The following CAST variants were observed in gnomAD, a reference collection of about 807,000 sequenced individuals.
CAST encodes calpastatin.
A neutral mutation model predicts 119.6 loss-of-function variants in CAST; 76 were observed. The observed-to-expected ratio is 0.64, with a 90% CI of 0.53 to 0.77. The LOEUF is 0.77. Among genes scored for constraint, CAST ranks in the 30% least tolerant of loss-of-function variants. The pLI is 0.00. For synonymous variants in CAST, 319 were observed against 331.6 expected (o/e 0.96, Z 0.41); for missense variants, 953 against 946.5 (o/e 1.01, Z -0.09).
chr5:95,972,226 T>G, the CAST span, among the ~76,000 whole-genome samples: 1,253 of 152,280 alleles, frequency 8.2e-3, 14 homozygotes, highest in African/African-American at 0.029. Flanking sequence ...TGAGCCACTA[T>G]GTTCAGCCAA....
At chr5:96,411,315 A>G in the CAST span, among the ~76,000 whole-genome samples, 4 of 152,312 alleles carry the variant, frequency 2.6e-5, no homozygotes, top group Admixed American at 2.6e-4. Context: ...CTGCACTTAA[A>G]TCTTTGAACT....
At chr5:96,315,461 A>G in the CAST span, among the ~76,000 whole-genome samples, 1 of 152,224 alleles carries the variant, frequency 6.6e-6, no homozygotes, top group African/African-American at 2.4e-5. Context: ...ACTGGTCAGT[A>G]TATGTCAACT....
At chr5:96,468,796 AC>A in the CAST span, among the ~76,000 whole-genome samples, 1 of 152,074 alleles carries the variant, frequency 6.6e-6, no homozygotes, top group Admixed American at 6.6e-5. Context: ...GCTCAAACCA[AC>A]ACATCTTCCC....
At chr5:95,979,262 T>C in the CAST span, among the ~76,000 whole-genome samples, 1 of 152,174 alleles carries the variant, frequency 6.6e-6, no homozygotes, top group Non-Finnish European at 1.5e-5. Flanking sequence ...ATTATATATA[T>C]ATAAATGCAT....
the CAST span, among the ~76,000 whole-genome samples, chr5:96,268,411 TA>T: frequency 6.6e-5 from 10 of 151,582 alleles, no homozygotes; most frequent in East Asian, 7.8e-4. Context: ...CATCTCTACA[TA>T]AAAAAAAATT....
the CAST span, among the ~76,000 whole-genome samples, chr5:96,154,146 C>T: frequency 3.3e-5 from 5 of 151,860 alleles, no homozygotes; most frequent in Non-Finnish European, 7.4e-5. Flanking sequence ...GGTGTGGTGG[C>T]GGGTGCCTGT....
chr5:96,012,021 C>A, the CAST span, among the ~76,000 whole-genome samples: 33 of 152,208 alleles, frequency 2.2e-4, no homozygotes, highest in Non-Finnish European at 4.4e-4. Context: ...GAAAGATTTA[C>A]TTTTTCATTT....
At chr5:96,303,259 C>T in the CAST span, among the ~76,000 whole-genome samples, 1 of 152,094 alleles carries the variant, frequency 6.6e-6, no homozygotes, top group Non-Finnish European at 1.5e-5. Flanking sequence ...TAAGTCTGCC[C>T]CCATGATCCA....
intron 1 of CAST, among the ~76,000 whole-genome samples, chr5:96,555,666 C>T (rs554381799): frequency 2.6e-5 from 4 of 152,256 alleles, no homozygotes; most frequent in Non-Finnish European, 5.9e-5. Context: ...AAGGCGGCAG[C>T]GAGGCTGACG....
chr5:96,228,030 C>T, the CAST span, among the ~76,000 whole-genome samples: 12 of 151,618 alleles, frequency 7.9e-5, no homozygotes, highest in Admixed American at 2.0e-4. Context: ...TGTGTGTGCA[C>T]GCACATGTGT....
At chr5:96,037,989 T>C in the CAST span, among the ~76,000 whole-genome samples, 12 of 152,154 alleles carry the variant, frequency 7.9e-5, no homozygotes, top group African/African-American at 2.9e-4. Flanking sequence ...AGTGTAACTG[T>C]GGAGTAGTTA....
At chr5:96,189,832 T>G in the CAST span, among the ~76,000 whole-genome samples, 2 of 152,226 alleles carry the variant, frequency 1.3e-5, no homozygotes, top group African/African-American at 4.8e-5. Flanking sequence ...TTTAACATTA[T>G]TTAAAAACTC....
In CAST at chr5:96,730,633, C is replaced by T. The variant is rs116587793; in HGVS notation, c.550-147C>T. On this transcript the variant is annotated intron_variant, in intron 8 of 31. Coordinates refer to ENST00000675179, the MANE Select transcript of CAST (RefSeq NM_001750.7). ...GCTTTATGTGGTGCTTAGCACTGCACCATGTACAATAGAAGTGAGCAAACA... is the reference window on the plus strand; with the variant it reads ...GCTTTATGTGGTGCTTAGCACTGCATCATGTACAATAGAAGTGAGCAAACA... The T allele has an allele frequency of 1.5e-3, 1,003 of 653,378 alleles. 5 individuals carry two copies. In the African/African-American group the frequency reaches 0.016, roughly 11 times the overall value. 40.5% of individuals were successfully genotyped at this position (653,378 alleles called of 1,614,324 possible).
chr5:95,980,775 G>C, the CAST span, among the ~76,000 whole-genome samples: 1 of 152,010 alleles, frequency 6.6e-6, no homozygotes, highest in Non-Finnish European at 1.5e-5. Flanking sequence ...GGCAGAGAAG[G>C]CATGTCAGGC....
At chr5:96,585,500 G>T (rs1746843380) in intron 1 of CAST, among the ~76,000 whole-genome samples, 1 of 152,090 alleles carries the variant, frequency 6.6e-6, no homozygotes, top group Non-Finnish European at 1.5e-5. Context: ...TACTAAAACT[G>T]CTCAAAACCT....
intron 1 of CAST, among the ~76,000 whole-genome samples, chr5:96,565,077 G>GGTGTGTGTGT (rs61240765): frequency 0.019 from 2,843 of 148,708 alleles, 52 homozygotes; most frequent in African/African-American, 0.036. Context: ...ACATGGGAAA[G>GGTGTGTGTGT]GTGTGTGTGT....
At chr5:96,559,157 A>G (rs981068535) in intron 1 of CAST, among the ~76,000 whole-genome samples, 2 of 151,964 alleles carry the variant, frequency 1.3e-5, no homozygotes, top group Admixed American at 6.6e-5. Context: ...AAATTCAACA[A>G]CCCTTCATGC....
At chr5:96,104,245 C>T in the CAST span, among the ~76,000 whole-genome samples, 189 of 152,262 alleles carry the variant, frequency 1.2e-3, no homozygotes, top group Middle Eastern at 6.8e-3. Context: ...TTAATTACAT[C>T]CCATTTGTCA....
the CAST span, among the ~76,000 whole-genome samples, chr5:96,366,775 T>G: frequency 6.6e-6 from 1 of 152,224 alleles, no homozygotes; most frequent in Non-Finnish European, 1.5e-5. Context: ...GGGTTCAAAC[T>G]TCCTCCTTTA....
Sources: gnomAD v4.1 joint callset for allele counts (sites outside exome capture counted in the v4.1 genomes callset) on GRCh38, gnomAD v4.1.1 for gene constraint, MANE v1.5 for transcripts, NCBI Gene and HGNC (gene_info 2026-07-23, HGNC 2026-07-21) for gene names.